TAFA1: variants seen among roughly 807,000 people sequenced by gnomAD.
TAFA1 encodes chemokine-like protein TAFA-1.
Under a neutral mutation model 18.5 loss-of-function variants are expected in TAFA1, and 4 were observed. That is an observed-to-expected ratio of 0.22 (90% CI 0.11 to 0.49). TAFA1 has a LOEUF of 0.49. Ranked by LOEUF, TAFA1 falls within the 20% of genes least tolerant of loss-of-function variation. The pLI is 0.98. For synonymous variants in TAFA1, 56 were observed against 55.2 expected, an observed-to-expected ratio of 1.01 and a Z score of -0.06; for missense variants, 147 against 169.0, an observed-to-expected ratio of 0.87 and a Z score of 0.72.
intron 2 of TAFA1, among the ~76,000 whole-genome samples, chr3:68,248,664 C>A (rs999192275): frequency 6.9e-6 from 1 of 143,954 alleles, no homozygotes; most frequent in African/African-American, 2.6e-5. Context: ...AATGGCAAAC[C>A]TGGAGATGGG....
chr3:68,053,479 G>C (rs746471032), intron 2 of TAFA1, among the ~76,000 whole-genome samples: 2 of 151,998 alleles, frequency 1.3e-5, no homozygotes, highest in Non-Finnish European at 2.9e-5. Flanking sequence ...CTACCTACTA[G>C]ATACTCTCTT....
At chr3:68,050,209 GA>G (rs1348427144) in intron 2 of TAFA1, among the ~76,000 whole-genome samples, 6 of 152,126 alleles carry the variant, frequency 3.9e-5, no homozygotes. Context: ...TAGGGAAGAA[GA>G]AAAAACCATT....
intron 2 of TAFA1, among the ~76,000 whole-genome samples, chr3:68,165,203 C>T (rs1040588395): frequency 5.3e-5 from 8 of 152,208 alleles, no homozygotes; most frequent in African/African-American, 1.9e-4. Context: ...CTCTCTGTAT[C>T]AACATCTCTA....
intron 3 of TAFA1, among the ~76,000 whole-genome samples, chr3:68,530,467 A>G (rs1376862340): frequency 6.6e-6 from 1 of 152,222 alleles, no homozygotes; most frequent in Admixed American, 6.5e-5. Flanking sequence ...TCAAAGAAAG[A>G]TGAACATTCT....
chr3:68,282,333 C>T (rs1575743981), intron 2 of TAFA1, among the ~76,000 whole-genome samples: 3 of 152,206 alleles, frequency 2.0e-5, no homozygotes, highest in East Asian at 3.9e-4. Flanking sequence ...ACACTTACGA[C>T]GGATCAGGCA....
At chr3:68,439,596 A>G (rs2106862890) in intron 3 of TAFA1, among the ~76,000 whole-genome samples, 1 of 151,636 alleles carries the variant, frequency 6.6e-6, no homozygotes, top group South Asian at 2.1e-4. Context: ...TGGGAGAAAG[A>G]TGTAGGCTGG....
chr3:68,530,951 A>T (rs1161210600), intron 3 of TAFA1, among the ~76,000 whole-genome samples: 2 of 152,134 alleles, frequency 1.3e-5, no homozygotes, highest in Non-Finnish European at 2.9e-5. Context: ...ATATTTTTTT[A>T]ATTCTATGAA....
intron 3 of TAFA1, among the ~76,000 whole-genome samples, chr3:68,426,222 C>T (rs1415385661): frequency 6.6e-6 from 1 of 151,762 alleles, no homozygotes; most frequent in Non-Finnish European, 1.5e-5. Flanking sequence ...AGAAATGTAT[C>T]TGTATAAACC....
intron 2 of TAFA1, among the ~76,000 whole-genome samples, chr3:68,059,722 C>T (rs1275332700): frequency 6.6e-6 from 1 of 152,102 alleles, no homozygotes; most frequent in Non-Finnish European, 1.5e-5. Context: ...CACAGTTTAG[C>T]CAAGGGCCAG....
At chr3:68,472,503 TACACACAC>T (rs144677943) in intron 3 of TAFA1, among the ~76,000 whole-genome samples, 6 of 141,204 alleles carry the variant, frequency 4.2e-5, no homozygotes, top group South Asian at 2.2e-4. Flanking sequence ...TAGAACTAAA[TACACACAC>T]ACACACACAC....
At position 68,538,815 on chromosome 3, in the gene TAFA1, T is replaced by C. The variant is rs1286857752; in HGVS notation, c.319T>C (p.Cys107Arg). ...GGAGCCTTGCCTAGAAGGAGAAGAA[T>C]GTAAGACACTCCCTGACAATTCTGG... ...EMEPCLEGEE[C>R]KTLPDNSGWM... Residue 107 changes from cysteine to arginine, a missense_variant, in exon 4 of 5, where the codon TGT (cysteine) becomes CGT (arginine). Cys to Arg is a radical substitution (Grantham distance 180, BLOSUM62 -3). Transcript: ENST00000478136. 1 of 1,613,546 alleles carries C rather than the reference T, an allele frequency of 6.2e-7. No individual in the cohort carries two copies. The highest frequency in any genetic ancestry group is 8.5e-7 in the Non-Finnish European group (1 of 1,179,638).
chr3:68,419,783 C>G (rs1220481293), intron 3 of TAFA1, among the ~76,000 whole-genome samples: 1 of 152,102 alleles, frequency 6.6e-6, no homozygotes, highest in Non-Finnish European at 1.5e-5. Context: ...GAAAGAGAAA[C>G]ACACTCAAGC....
At chr3:68,346,325 A>AT (rs1475343194) in intron 2 of TAFA1, among the ~76,000 whole-genome samples, 1 of 151,752 alleles carries the variant, frequency 6.6e-6, no homozygotes, top group South Asian at 2.1e-4. Context: ...CACCCAGCTA[A>AT]TTTTTGTATT....
At chr3:68,220,727 G>T (rs2066719033) in intron 2 of TAFA1, among the ~76,000 whole-genome samples, 1 of 152,124 alleles carries the variant, frequency 6.6e-6, no homozygotes, top group Non-Finnish European at 1.5e-5. Context: ...AAGATGGATT[G>T]TGGTCTTTGG....
At chr3:68,300,885 A>G (rs1201426102) in intron 2 of TAFA1, among the ~76,000 whole-genome samples, 2 of 152,096 alleles carry the variant, frequency 1.3e-5, no homozygotes. Context: ...CCATGATTGT[A>G]AGTTTCTTGA....
chr3:68,413,177 T>C (rs1471081177), intron 2 of TAFA1, among the ~76,000 whole-genome samples: 1 of 152,224 alleles, frequency 6.6e-6, no homozygotes, highest in Non-Finnish European at 1.5e-5. Context: ...ATTGTCTTCT[T>C]TTGAGAAGTG....
At chr3:68,298,448 C>A (rs2068249645) in intron 2 of TAFA1, among the ~76,000 whole-genome samples, 1 of 152,082 alleles carries the variant, frequency 6.6e-6, no homozygotes, top group African/African-American at 2.4e-5. Flanking sequence ...AAAGGGTTTG[C>A]AGCAGTGATC....
chr3:68,505,895 T>TA (rs35670966), intron 3 of TAFA1, among the ~76,000 whole-genome samples: 3 of 136,328 alleles, frequency 2.2e-5, no homozygotes, highest in African/African-American at 5.5e-5. Flanking sequence ...TTTTTTTTTT[T>TA]ATTATTATTA....
At chr3:68,058,809 A>C (rs185978793) in intron 2 of TAFA1, among the ~76,000 whole-genome samples, 23 of 152,244 alleles carry the variant, frequency 1.5e-4, no homozygotes, top group African/African-American at 5.5e-4. Flanking sequence ...TCCATAGAAA[A>C]AGGCTTGTAT....
Sources: gnomAD v4.1 joint callset for allele counts (sites outside exome capture counted in the v4.1 genomes callset) on GRCh38, gnomAD v4.1.1 for gene constraint, MANE v1.5 for transcripts, NCBI Gene and HGNC (gene_info 2026-07-23, HGNC 2026-07-21) for gene names.